SETD7: variants seen among roughly 807,000 people sequenced by gnomAD.
SETD7 encodes the protein SET domain containing 7, histone lysine methyltransferase, also known as histone-lysine N-methyltransferase SETD7.
A neutral mutation model predicts 41.8 loss-of-function variants in SETD7; 16 were observed. The observed-to-expected ratio is 0.38, with a 90% confidence interval of 0.26 to 0.58. The LOEUF is 0.58. SETD7 is among the 20% of genes least tolerant of loss of function. The probability of loss-of-function intolerance (pLI) is 0.64; values close to 1 mark genes in which losing one functional copy is unlikely to be tolerated. For missense variants in SETD7, 346 were observed against 459.7 expected (o/e 0.75, Z 2.26); for synonymous variants, 163 against 169.7 (o/e 0.96, Z 0.31).
At position 139,507,516 on chromosome 4, in the gene SETD7, T is replaced by C. The variant is rs1726741528; in HGVS notation, c.*4147A>G. 2 of 152,660 alleles carry C rather than the reference T, an allele frequency of 1.3e-5. No homozygotes were observed. 9.5% of individuals were successfully genotyped at this position (152,660 alleles called of 1,614,324 possible). A position where few individuals can be genotyped will look rare whatever the true frequency, so the allele number is the denominator to read the frequency against. ...CCAAAATTTTTGTAATGTGTTTAAG[T>C]AGCACTGGAATAATTCAACTTCATT... On this transcript the variant is annotated 3_prime_UTR_variant, in exon 8 of 8. Coordinates refer to ENST00000274031, the MANE Select transcript of SETD7 (RefSeq NM_030648.4).
Position 139,509,896 on chromosome 4 carries a change from A to T in SETD7, c.*1767T>A. On this transcript the variant is annotated 3_prime_UTR_variant, in exon 8 of 8. Transcript: ENST00000274031. ...GCTTAAGCTTTCAAGCAGGGATCCAACTGGATCTCCCTGAAACCACTGCCA... is the reference window on the plus strand; with the variant it reads ...GCTTAAGCTTTCAAGCAGGGATCCATCTGGATCTCCCTGAAACCACTGCCA... 1 of 985,334 alleles carries T rather than the reference A, an allele frequency of 1.0e-6. No homozygotes were observed. Among genetic ancestry groups the T allele is most frequent in the Non-Finnish European group, 1.2e-6 (1 of 829,846 alleles). 61.0% of individuals were successfully genotyped at this position (985,334 alleles called of 1,614,324 possible).
chr4:139,532,357 T>G (rs1191867038), intron 3 of SETD7, among the ~76,000 whole-genome samples: 1 of 152,180 alleles, frequency 6.6e-6, no homozygotes, highest in African/African-American at 2.4e-5. Flanking sequence ...GAAGATGGCT[T>G]GAGTCTGGGA....
chr4:139,538,592 G>A (rs920209364), intron 2 of SETD7, among the ~76,000 whole-genome samples: 1 of 152,158 alleles, frequency 6.6e-6, no homozygotes, highest in Non-Finnish European at 1.5e-5. Context: ...GCCTGTGCTA[G>A]GATTACAGGT....
At position 139,510,267 on chromosome 4, in the gene SETD7, C is replaced by T. The variant is rs552995971; in HGVS notation, c.*1396G>A. On this transcript the variant is annotated 3_prime_UTR_variant, in exon 8 of 8. Transcript: ENST00000274031. ...ATCAGCACAACAGCTGCTCTCCAGTCCTTCCAGCCGCTGCATCGAGGTGTC... is the reference window on the plus strand; with the variant it reads ...ATCAGCACAACAGCTGCTCTCCAGTTCTTCCAGCCGCTGCATCGAGGTGTC... 1.3e-5 allele frequency: 2 copies of T among 152,068 alleles called. No individual in the cohort carries two copies. The highest frequency in any genetic ancestry group is 4.8e-5 in the African/African-American group (2 of 41,488). 9.4% of individuals were successfully genotyped at this position (152,068 alleles called of 1,614,324 possible).
intron 2 of SETD7, among the ~76,000 whole-genome samples, chr4:139,534,158 C>T (rs1258405035): frequency 6.6e-6 from 1 of 152,144 alleles, no homozygotes; most frequent in Non-Finnish European, 1.5e-5. Context: ...CAGCACTTCT[C>T]CATCTCTCTC....
chr4:139,525,905 G>C (rs1186499044), intron 4 of SETD7, among the ~76,000 whole-genome samples: 5 of 152,180 alleles, frequency 3.3e-5, no homozygotes, highest in African/African-American at 1.2e-4. Context: ...TGGCCCTTTT[G>C]AGGCTCAAAC....
chr4:139,501,514 A>C (rs1726575263), downstream of SETD7, among the ~76,000 whole-genome samples: 1 of 152,138 alleles, frequency 6.6e-6, no homozygotes, highest in African/African-American at 2.4e-5. Context: ...GTGCACTAAA[A>C]TTTCAGAATT....
intron 7 of SETD7, among the ~76,000 whole-genome samples, chr4:139,517,200 C>G (rs757618146): frequency 6.6e-6 from 1 of 152,124 alleles, no homozygotes; most frequent in African/African-American, 2.4e-5. Flanking sequence ...CCCGGCTGGG[C>G]GAGGTGGCTC....
chr4:139,523,458 A>T, intron 4 of SETD7, 23 bp from the exon 5 acceptor site: 1 of 1,553,472 alleles, frequency 6.4e-7, no homozygotes, highest in Non-Finnish European at 8.9e-7. Context: ...CAAAAATACC[A>T]GTATAGGTGC....
chr4:139,526,869 A>G (rs1180423236), intron 4 of SETD7, among the ~76,000 whole-genome samples: 1 of 152,216 alleles, frequency 6.6e-6, no homozygotes, highest in East Asian at 1.9e-4. Context: ...ATATTATAAC[A>G]CTGTCTCCTT....
intron 1 of SETD7, among the ~76,000 whole-genome samples, chr4:139,552,989 T>C (rs534385882): frequency 1.3e-5 from 2 of 152,326 alleles, no homozygotes; most frequent in South Asian, 2.1e-4. Flanking sequence ...AACATCACTC[T>C]TCACTGAACC....
intron 4 of SETD7, 78 bp downstream of exon 4, chr4:139,528,953 A>G: frequency 8.0e-7 from 1 of 1,257,342 alleles, no homozygotes; most frequent in South Asian, 1.3e-5. Flanking sequence ...AGAGGAAAAG[A>G]AAAGAAGCTT....
Position 139,544,677 on chromosome 4 carries a change from C to A in SETD7, c.170+2243G>T, listed in dbSNP as rs72726579. Among the ~76,000 whole-genome samples, 3 of 152,178 alleles carry A rather than the reference C, an allele frequency of 2.0e-5. No homozygotes were observed. The East Asian group carries it at 5.8e-4, about 29-fold the overall frequency. On this transcript the variant is annotated intron_variant, in intron 2 of 7. Transcript: ENST00000274031. ...AGAATTTTAGTCTAGCCCATCAGTA[C>A]TCTGTGTATCAGCCCCATAAAGCAA...
At chr4:139,547,460 T>C (rs1399643155) in intron 1 of SETD7, among the ~76,000 whole-genome samples, 6 of 152,246 alleles carry the variant, frequency 3.9e-5, no homozygotes, top group Non-Finnish European at 8.8e-5. Context: ...GAAGTGTGGT[T>C]GAGATTCCAC....
intron 7 of SETD7, among the ~76,000 whole-genome samples, chr4:139,499,178 G>A (rs896095181): frequency 3.3e-5 from 5 of 152,170 alleles, no homozygotes; most frequent in African/African-American, 1.2e-4. Flanking sequence ...TGACATAACT[G>A]ACTATCTTGC....
At position 139,508,942 on chromosome 4, in the gene SETD7, C is replaced by CCA. The variant is rs1398826433; in HGVS notation, c.*2719_*2720dup. 2.6e-5 allele frequency: 4 copies of CCA among 152,246 alleles called. No homozygotes were observed. The highest frequency in any genetic ancestry group is 4.4e-5 in the Non-Finnish European group (3 of 68,120). 9.4% of individuals were successfully genotyped at this position (152,246 alleles called of 1,614,324 possible). A position where few individuals can be genotyped will look rare whatever the true frequency, so the allele number is the denominator to read the frequency against. On this transcript the variant is annotated 3_prime_UTR_variant, in exon 8 of 8. Coordinates refer to ENST00000274031, the MANE Select transcript of SETD7 (RefSeq NM_030648.4). ...CAAGCCTTACTCCGATTCCAACCTGCCACAGAGCCTTACATTTGGGAGTAT... is the reference window on the plus strand; with the variant it reads ...CAAGCCTTACTCCGATTCCAACCTGCCACACAGAGCCTTACATTTGGGAGTAT...
chr4:139,552,817 A>G (rs1728147739), intron 1 of SETD7, among the ~76,000 whole-genome samples: 1 of 152,146 alleles, frequency 6.6e-6, no homozygotes, highest in Admixed American at 6.5e-5. Context: ...ACTAATTTTT[A>G]CTTCCTCTCA....
At chr4:139,546,081 C>T (rs1406723347) in intron 2 of SETD7, among the ~76,000 whole-genome samples, 2 of 152,264 alleles carry the variant, frequency 1.3e-5, no homozygotes, top group South Asian at 2.1e-4. Flanking sequence ...CTATCACAAG[C>T]GAGTAAGGAG....
intron 6 of SETD7, among the ~76,000 whole-genome samples, chr4:139,519,521 T>C (rs1727121366): frequency 6.6e-6 from 1 of 152,390 alleles, no homozygotes; most frequent in Middle Eastern, 3.4e-3. Flanking sequence ...GCAGTTTGAA[T>C]ACGTCGCCCT....
Sources: allele counts gnomAD v4.1 joint callset (sites outside exome capture counted in the v4.1 genomes callset), GRCh38; gene constraint gnomAD v4.1.1; transcripts MANE v1.5; gene names NCBI Gene and HGNC (gene_info 2026-07-23, HGNC 2026-07-21).